PCDH15: variants seen among roughly 807,000 people sequenced by gnomAD.
PCDH15 encodes the protein protocadherin related 15, also known as protocadherin-15.
PCDH15 carries 129 observed loss-of-function variants against 178.5 expected under a neutral mutation model. The observed-to-expected ratio is 0.72, with a 90% confidence interval of 0.63 to 0.84. The LOEUF (loss-of-function observed/expected upper bound fraction) is 0.84, where lower values mean the gene tolerates loss of function less well. Among genes scored for constraint, PCDH15 ranks in the 40% least tolerant of loss-of-function variants. The pLI, the probability that PCDH15 is intolerant of heterozygous loss-of-function variation, is 0.00. For synonymous variants in PCDH15, 800 were observed against 732.0 expected, an observed-to-expected ratio of 1.09 and a Z score of -1.50; for missense variants, 2,230 against 2,099.9, an observed-to-expected ratio of 1.06 and a Z score of -1.21.
intron 26 of PCDH15, among the ~76,000 whole-genome samples, chr10:53,886,953 C>T (rs1255968052): frequency 6.6e-6 from 1 of 152,132 alleles, no homozygotes; most frequent in Non-Finnish European, 1.5e-5. Flanking sequence ...TATAAAACAT[C>T]AGCAAGGACT....
chr10:54,517,439 C>T (rs1207766987), intron 3 of PCDH15, among the ~76,000 whole-genome samples: 2 of 151,958 alleles, frequency 1.3e-5, no homozygotes, highest in Non-Finnish European at 2.9e-5. Flanking sequence ...GACTTTAAAC[C>T]AACAAACATC....
intron 2 of PCDH15, among the ~76,000 whole-genome samples, chr10:55,540,167 T>C (rs1420471454): frequency 6.6e-6 from 1 of 152,108 alleles, no homozygotes; most frequent in Non-Finnish European, 1.5e-5. Flanking sequence ...TCCATTTGTG[T>C]GAGTAGACTA....
At chr10:54,393,063 T>C (rs950921780) in intron 3 of PCDH15, among the ~76,000 whole-genome samples, 3 of 152,160 alleles carry the variant, frequency 2.0e-5, no homozygotes, top group African/African-American at 7.2e-5. Flanking sequence ...GTTTGGCTAA[T>C]TTCCATCTGA....
intron 3 of PCDH15, among the ~76,000 whole-genome samples, chr10:54,856,124 A>G (rs1204707642): frequency 6.6e-6 from 1 of 152,222 alleles, no homozygotes; most frequent in Non-Finnish European, 1.5e-5. Flanking sequence ...TATTTTTATA[A>G]TAGTTTGTCA....
chr10:55,452,201 C>A (rs1839450645), intron 2 of PCDH15, among the ~76,000 whole-genome samples: 1 of 150,490 alleles, frequency 6.6e-6, no homozygotes, highest in Non-Finnish European at 1.5e-5. Context: ...ATTTTAAGTA[C>A]CTTTGAAACT....
At chr10:55,317,183 T>C (rs1450092787) in intron 1 of PCDH15, among the ~76,000 whole-genome samples, 4 of 152,182 alleles carry the variant, frequency 2.6e-5, no homozygotes, top group Non-Finnish European at 5.9e-5. Context: ...GTAGAAACAT[T>C]TTTAAGATTG....
At chr10:54,528,496 A>C in intron 2 of PCDH15, 1 of 933,166 alleles carries the variant, frequency 1.1e-6, no homozygotes, top group Non-Finnish European at 1.6e-6. Flanking sequence ...TTAGTGAGAG[A>C]TTTAAGGATA....
At chr10:54,029,374 C>T (rs1409304027) in intron 18 of PCDH15, among the ~76,000 whole-genome samples, 3 of 152,142 alleles carry the variant, frequency 2.0e-5, no homozygotes, top group Non-Finnish European at 4.4e-5. Flanking sequence ...CCTTGTACTA[C>T]ATCAAAGCAA....
intron 3 of PCDH15, among the ~76,000 whole-genome samples, chr10:54,856,742 C>T (rs139667981): frequency 6.7e-4 from 102 of 152,160 alleles, no homozygotes; most frequent in African/African-American, 2.3e-3. Flanking sequence ...ATTGAATGTG[C>T]GTCTGATGAT....
chr10:54,049,132 A>G (rs954916134), intron 18 of PCDH15, among the ~76,000 whole-genome samples: 12 of 152,090 alleles, frequency 7.9e-5, no homozygotes, highest in African/African-American at 2.9e-4. Context: ...ACTTGTGACT[A>G]TTGTAAATGT....
intron 2 of PCDH15, among the ~76,000 whole-genome samples, chr10:55,386,827 T>C (rs1231685800): frequency 2.6e-5 from 4 of 152,096 alleles, no homozygotes; most frequent in African/African-American, 9.7e-5. Flanking sequence ...ATGTAATGCG[T>C]GGCAAAATAC....
At chr10:54,788,227 T>C (rs909217781) in intron 1 of PCDH15, among the ~76,000 whole-genome samples, 3 of 151,920 alleles carry the variant, frequency 2.0e-5, no homozygotes, top group South Asian at 2.1e-4. Flanking sequence ...GTTTCAAGCT[T>C]GTAATATGAT....
chr10:54,079,293 T>C (rs762944381), intron 17 of PCDH15, 38 bp downstream of exon 17: 86 of 1,569,438 alleles, frequency 5.5e-5, no homozygotes, highest in Non-Finnish European at 7.3e-5. Flanking sequence ...GTTGCCTTAA[T>C]ACTATTTTTA....
chr10:55,387,226 A>G (rs1394645462), intron 2 of PCDH15, among the ~76,000 whole-genome samples: 1 of 152,086 alleles, frequency 6.6e-6, no homozygotes, highest in Non-Finnish European at 1.5e-5. Flanking sequence ...GCATTTTACA[A>G]CAGTGGTTTT....
intron 2 of PCDH15, among the ~76,000 whole-genome samples, chr10:54,962,624 G>C (rs1838685210): frequency 6.6e-6 from 1 of 152,162 alleles, no homozygotes; most frequent in Non-Finnish European, 1.5e-5. Context: ...TGTACATTGG[G>C]TCAAGCCATG....
At chr10:54,802,176 T>C (rs1952680776), upstream of PCDH15, among the ~76,000 whole-genome samples, 1 of 152,164 alleles carries the variant, frequency 6.6e-6, no homozygotes, top group South Asian at 2.1e-4. Flanking sequence ...ACCATGTGGA[T>C]TATTTACTAG....
At chr10:55,362,114 G>T (rs1337082042) in intron 2 of PCDH15, among the ~76,000 whole-genome samples, 1 of 151,812 alleles carries the variant, frequency 6.6e-6, no homozygotes, top group Non-Finnish European at 1.5e-5. Flanking sequence ...TTTTCCATTG[G>T]TCATGTTTCT....
chr10:55,470,016 A>C (rs1001608059), intron 2 of PCDH15, among the ~76,000 whole-genome samples: 5 of 152,160 alleles, frequency 3.3e-5, no homozygotes, highest in Admixed American at 6.5e-5. Context: ...TTATGGCTTA[A>C]AACATCAGAT....
chr10:54,087,522 C>T (rs1344644442), intron 16 of PCDH15, among the ~76,000 whole-genome samples: 3 of 152,178 alleles, frequency 2.0e-5, no homozygotes, highest in African/African-American at 7.2e-5. Context: ...TTATTACAGA[C>T]AGGCAACATT....
Sources: gnomAD v4.1 joint callset for allele counts (sites outside exome capture counted in the v4.1 genomes callset) on GRCh38, gnomAD v4.1.1 for gene constraint, MANE v1.5 for transcripts, NCBI Gene and HGNC (gene_info 2026-07-23, HGNC 2026-07-21) for gene names.